Variants in ELAPOR2 observed in about 807,000 individuals in gnomAD.
ELAPOR2 encodes the protein endosome/lysosome-associated apoptosis and autophagy regulator family member 2.
In ELAPOR2, 89 loss-of-function variants were observed where a neutral mutation model predicts 120.7. The ratio of observed to expected loss-of-function variants is 0.74; its 90% CI spans 0.62 to 0.88. The LOEUF (loss-of-function observed/expected upper bound fraction) is 0.88. ELAPOR2 is among the 40% of genes least tolerant of loss of function. The pLI is 0.00. For missense variants in ELAPOR2, 1,134 were observed against 1,251.6 expected (o/e 0.91, Z 1.42); for synonymous variants, 444 against 444.9 (o/e 1.00, Z 0.03).
intron 1 of ELAPOR2, among the ~76,000 whole-genome samples, chr7:87,028,780 G>A (rs997661299): frequency 6.6e-6 from 1 of 151,982 alleles, no homozygotes. Context: ...AGAATAAAAG[G>A]CAAAGTCTTT....
At chr7:87,041,199 A>T (rs1389774840) in intron 1 of ELAPOR2, among the ~76,000 whole-genome samples, 1 of 152,084 alleles carries the variant, frequency 6.6e-6, no homozygotes, top group East Asian at 1.9e-4. Context: ...GCAGGATGTT[A>T]TCCAGGAGAA....
At chr7:86,960,734 G>A (rs977173356) in intron 2 of ELAPOR2, among the ~76,000 whole-genome samples, 11 of 152,002 alleles carry the variant, frequency 7.2e-5, no homozygotes, top group Admixed American at 5.2e-4. Context: ...CTCTCTTCAT[G>A]TTGAGTTGAC....
At chr7:87,033,089 G>A (rs1348809807) in intron 1 of ELAPOR2, among the ~76,000 whole-genome samples, 2 of 152,186 alleles carry the variant, frequency 1.3e-5, no homozygotes, top group Non-Finnish European at 2.9e-5. Flanking sequence ...GTCATGGAGA[G>A]CTGTAAGCAT....
At chr7:86,902,592 G>C (rs897406300) in intron 18 of ELAPOR2, among the ~76,000 whole-genome samples, 1 of 152,142 alleles carries the variant, frequency 6.6e-6, no homozygotes, top group East Asian at 1.9e-4. Flanking sequence ...TGGTATTTCA[G>C]CATATGCATT....
At chr7:86,924,205 C>T (rs1789954407) in intron 10 of ELAPOR2, among the ~76,000 whole-genome samples, 1 of 152,050 alleles carries the variant, frequency 6.6e-6, no homozygotes, top group Admixed American at 6.6e-5. Context: ...GAGATTTATA[C>T]TTTTCATTTA....
chr7:86,896,671 G>A (rs1325721838), intron 19 of ELAPOR2, among the ~76,000 whole-genome samples: 1 of 152,018 alleles, frequency 6.6e-6, no homozygotes, highest in African/African-American at 2.4e-5. Context: ...GTAAACAAGT[G>A]GTCTTGAAGC....
intron 8 of ELAPOR2, among the ~76,000 whole-genome samples, chr7:86,936,485 C>G (rs766549234): frequency 2.0e-5 from 3 of 152,062 alleles, no homozygotes; most frequent in African/African-American, 7.2e-5. Flanking sequence ...TATTATTTCA[C>G]TAAGTCCCCA....
intron 1 of ELAPOR2, among the ~76,000 whole-genome samples, chr7:87,031,128 T>G (rs994874918): frequency 4.6e-5 from 7 of 152,160 alleles, no homozygotes; most frequent in Non-Finnish European, 1.0e-4. Flanking sequence ...GGAGCTACAA[T>G]TCAAGATGGG....
At chr7:87,029,106 A>G (rs928738403) in intron 1 of ELAPOR2, among the ~76,000 whole-genome samples, 1 of 152,030 alleles carries the variant, frequency 6.6e-6, no homozygotes, top group African/African-American at 2.4e-5. Context: ...TCCTACATTT[A>G]TCACCACTTC....
intron 19 of ELAPOR2, among the ~76,000 whole-genome samples, chr7:86,897,164 T>G (rs1315001156): frequency 1.3e-5 from 2 of 152,132 alleles, no homozygotes; most frequent in Non-Finnish European, 2.9e-5. Context: ...TTAGGCATGC[T>G]TCTTATAGTG....
chr7:86,910,795 TAG>T (rs1479053254), intron 15 of ELAPOR2, among the ~76,000 whole-genome samples: 1 of 152,100 alleles, frequency 6.6e-6, no homozygotes, highest in African/African-American at 2.4e-5. Context: ...GTGTTAGATA[TAG>T]AGTGTACACA....
intron 4 of ELAPOR2, among the ~76,000 whole-genome samples, chr7:86,944,272 T>C (rs1025036955): frequency 4.6e-5 from 7 of 152,108 alleles, no homozygotes; most frequent in African/African-American, 1.7e-4. Context: ...TAAGTAACTT[T>C]AGTGGTAACA....
At chr7:86,954,881 G>A (rs536014846) in intron 2 of ELAPOR2, among the ~76,000 whole-genome samples, 45 of 152,094 alleles carry the variant, frequency 3.0e-4, no homozygotes, top group Admixed American at 1.0e-3. Flanking sequence ...TTATATCGAC[G>A]ACACGCTGAT....
In ELAPOR2 at chr7:86,919,384, A is replaced by C. The variant is rs1789717559; in HGVS notation, c.1400-74T>G. The C allele has an allele frequency of 1.6e-5, 14 of 860,088 alleles. No individual in the cohort carries two copies. In the South Asian group the frequency reaches 2.7e-4, roughly 17 times the overall value. 53.3% of individuals were successfully genotyped at this position (860,088 alleles called of 1,614,324 possible). A position where few individuals can be genotyped will look rare whatever the true frequency, so the allele number is the denominator to read the frequency against. On this transcript the variant is annotated intron_variant, in intron 10 of 21. Transcript: ENST00000450689. ...CTCCAACAATCTGTTTAAATAAGGT[A>C]AAAATAAAAAGAAGCATTAGTGTTT...
In ELAPOR2 at chr7:86,925,556, A is replaced by G. The variant is rs773653206; in HGVS notation, c.1371T>C (p.Val457=). ...TCATTCCATCGCACTTTGAATTCCC[A>G]ACATTGAAGCAGGAAGTTTTCATGT... ...PGNMKTSCFN[V]GNSKCDGMNG... The change falls in exon 10 of 22, where the codon GTT becomes GTC. Residue 457 remains valine (V), a synonymous_variant. Coordinates refer to ENST00000450689, the MANE Select transcript of ELAPOR2 (RefSeq NM_001142749.3). 5.6e-6 allele frequency: 9 copies of G among 1,611,896 alleles called. No individual in the cohort carries two copies. The highest frequency in any genetic ancestry group is 7.6e-6 in the Non-Finnish European group (9 of 1,178,606).
At chr7:86,973,986 A>G (rs1792190377) in intron 1 of ELAPOR2, among the ~76,000 whole-genome samples, 1 of 152,028 alleles carries the variant, frequency 6.6e-6, no homozygotes, top group African/African-American at 2.4e-5. Context: ...GAAGGGAGGG[A>G]GGATCCCTCC....
At chr7:86,880,590 C>A (rs746117025) in intron 21 of ELAPOR2, 60 bp from the exon 22 acceptor site, 58 of 1,049,698 alleles carry the variant, frequency 5.5e-5, no homozygotes, top group Non-Finnish European at 8.1e-5. Context: ...ATTTTAGGAT[C>A]TTACATGTCC....
chr7:87,045,421 T>C (rs1794920082), intron 1 of ELAPOR2, among the ~76,000 whole-genome samples: 1 of 151,040 alleles, frequency 6.6e-6, no homozygotes, highest in Non-Finnish European at 1.5e-5. Flanking sequence ...TGGAATACTA[T>C]GCAGCCATTA....
At chr7:86,987,772 T>C (rs1381575792) in intron 1 of ELAPOR2, among the ~76,000 whole-genome samples, 1 of 152,164 alleles carries the variant, frequency 6.6e-6, no homozygotes, top group Non-Finnish European at 1.5e-5. Context: ...GTTCAACCTT[T>C]GTGGAAGACA....
Sources: allele counts gnomAD v4.1 joint callset (sites outside exome capture counted in the v4.1 genomes callset), GRCh38; gene constraint gnomAD v4.1.1; transcripts MANE v1.5; gene names NCBI Gene and HGNC (gene_info 2026-07-23, HGNC 2026-07-21).